Variants in ARSF observed in about 807,000 individuals in gnomAD.
ARSF encodes the protein arylsulfatase F.
ARSF carries 33 observed loss-of-function variants against 35.4 expected under a neutral mutation model. The observed-to-expected ratio is 0.93, with a 90% CI of 0.71 to 1.25. ARSF has a LOEUF of 1.25. Ranked by LOEUF, ARSF falls within the 50% of genes most tolerant of loss-of-function variation. The pLI is 0.00. For missense variants in ARSF, 501 were observed against 480.2 expected, an observed-to-expected ratio of 1.04 and a Z score of -0.40; for synonymous variants, 222 against 193.1, an observed-to-expected ratio of 1.15 and a Z score of -1.24.
At chrX:3,070,809 G>A (rs1290840132) in intron 2 of ARSF, among the ~76,000 whole-genome samples, 1 of 110,975 alleles carries the variant, frequency 9.0e-6, no homozygotes, top group Non-Finnish European at 1.9e-5. Flanking sequence ...TCCCACTTAT[G>A]AGTGAGAACA....
chrX:3,069,116 C>CA (rs1280059337), intron 2 of ARSF, among the ~76,000 whole-genome samples: 1 of 111,445 alleles, frequency 9.0e-6, no homozygotes, highest in Non-Finnish European at 1.9e-5. Context: ...AGAAGAGCGT[C>CA]ATGTGTTTCC....
At chrX:3,045,453 G>A (rs901340093) in intron 1 of ARSF, among the ~76,000 whole-genome samples, 2 of 111,174 alleles carry the variant, frequency 1.8e-5, no homozygotes, top group Non-Finnish European at 3.8e-5. Context: ...TACATAGGAC[G>A]CAAAAGATTG....
rs11798999 is a variant in ARSF at position 3,101,073 on chromosome X, G to T, written c.968-14G>T. On this transcript the variant is annotated splice_polypyrimidine_tract_variant and intron_variant, in intron 7 of 10. Coordinates refer to ENST00000381127, the MANE Select transcript of ARSF (RefSeq NM_001201539.2). ...ATGTCATTATTTTTACTTGTCTCTT[G>T]TATATTATTTTAGGCAAGATTCTTG... is the stretch of plus-strand genomic sequence containing the variant. The T allele has an allele frequency of 8.3e-7, 1 of 1,202,799 alleles. No individual in the cohort carries two copies. The highest frequency in any genetic ancestry group is 1.8e-5 in the African/African-American group (1 of 56,741).
intron 1 of ARSF, among the ~76,000 whole-genome samples, chrX:3,055,342 C>CAAAAAAAAAAA (rs770014108): frequency 3.1e-4 from 10 of 32,442 alleles, no homozygotes; most frequent in African/African-American, 1.0e-3. Flanking sequence ...AACTCCATTT[C>CAAAAAAAAAAA]AAAAAAAAAA....
intron 1 of ARSF, among the ~76,000 whole-genome samples, chrX:3,047,773 C>T (rs142577840): frequency 0.02 from 2,262 of 110,510 alleles, 28 homozygotes; most frequent in Middle Eastern, 0.06. Flanking sequence ...TAATGATGAC[C>T]GGGATATTCA....
chrX:3,088,299 C>T (rs1203283182), intron 6 of ARSF, among the ~76,000 whole-genome samples: 1 of 111,602 alleles, frequency 9.0e-6, no homozygotes, highest in Non-Finnish European at 1.9e-5. Context: ...GCTTCACGAG[C>T]AGTGAGAACA....
At position 3,081,019 on chromosome X, in the gene ARSF, A is replaced by C; in HGVS notation, c.406+6A>C. ...ATACAGCACGGGGCTTATAGGTAAG[A>C]CACAAGAATTGGTGTTAGTCATTGA... On this transcript the variant is annotated splice_donor_region_variant and intron_variant, in intron 5 of 10. Transcript: ENST00000381127. The C allele has an allele frequency of 8.3e-7, 1 of 1,208,820 alleles. No individual in the cohort carries two copies. The highest frequency in any genetic ancestry group is 1.7e-5 in the African/African-American group (1 of 57,737).
At position 3,041,584 on chromosome X, in the gene ARSF, C is replaced by G. The variant is rs566932857; in HGVS notation, c.-108C>G. The G allele has an allele frequency of 1.8e-5, 2 of 112,130 alleles. No individual in the cohort carries two copies. Among genetic ancestry groups the G allele is most frequent in the East Asian group, 5.6e-4 (2 of 3,570 alleles). 9.2% of individuals were successfully genotyped at this position (112,130 alleles called of 1,213,427 possible). On this transcript the variant is annotated 5_prime_UTR_variant, in exon 1 of 11. Transcript: ENST00000381127. ...GGGATTACAGGCGTGAACCACCACTCCTGGCCCTTCTGTTACTTTTCCACT... is the reference window on the plus strand; with the variant it reads ...GGGATTACAGGCGTGAACCACCACTGCTGGCCCTTCTGTTACTTTTCCACT...
At chrX:3,063,334 T>G (rs1391487101) in intron 1 of ARSF, among the ~76,000 whole-genome samples, 2 of 111,092 alleles carry the variant, frequency 1.8e-5, no homozygotes, top group Non-Finnish European at 1.9e-5. Flanking sequence ...TATGACAAAC[T>G]CACAGCCAAT....
chrX:3,091,448 A>G (rs976432874), intron 7 of ARSF, among the ~76,000 whole-genome samples: 4 of 112,576 alleles, frequency 3.6e-5, no homozygotes, highest in African/African-American at 1.3e-4. Flanking sequence ...TAATTTTCCA[A>G]CATTAATGAA....
At chrX:3,092,870 C>T (rs937449051) in intron 7 of ARSF, among the ~76,000 whole-genome samples, 1 of 112,282 alleles carries the variant, frequency 8.9e-6, no homozygotes, top group Non-Finnish European at 1.9e-5. Flanking sequence ...CACCTTCCTG[C>T]CTTTTATAAT....
intron 1 of ARSF, among the ~76,000 whole-genome samples, chrX:3,053,328 C>CTT (rs762769881): frequency 2.9e-4 from 27 of 92,993 alleles, no homozygotes; most frequent in Middle Eastern, 0.011. Context: ...GTATCCACAA[C>CTT]TTTTTTTTTT....
At chrX:3,094,445 G>C (rs781083556) in intron 7 of ARSF, among the ~76,000 whole-genome samples, 15 of 111,841 alleles carry the variant, frequency 1.3e-4, no homozygotes, top group Non-Finnish European at 2.4e-4. Context: ...TGCTTCCTTC[G>C]AGCCCAGCGA....
chrX:3,052,649 C>T (rs2090001193), intron 1 of ARSF, among the ~76,000 whole-genome samples: 1 of 102,659 alleles, frequency 9.7e-6, no homozygotes, highest in African/African-American at 3.6e-5. Flanking sequence ...GCTGTGATCA[C>T]ACCACTGCAC....
intron 5 of ARSF, among the ~76,000 whole-genome samples, chrX:3,082,272 C>T (rs1254370848): frequency 9.0e-6 from 1 of 111,551 alleles, no homozygotes; most frequent in East Asian, 2.8e-4. Flanking sequence ...AGCTATTCAT[C>T]CATCCATGCT....
chrX:3,094,946 T>C (rs1354394436), intron 7 of ARSF, among the ~76,000 whole-genome samples: 2 of 109,315 alleles, frequency 1.8e-5, no homozygotes, highest in Non-Finnish European at 3.8e-5. Context: ...ATATATTATG[T>C]ATTTCTGTAG....
At chrX:3,088,853 G>A (rs1013266165) in intron 6 of ARSF, among the ~76,000 whole-genome samples, 1 of 111,671 alleles carries the variant, frequency 9.0e-6, no homozygotes, top group Middle Eastern at 4.6e-3. Flanking sequence ...GAGCCACTGT[G>A]CCTGTCCTCA....
intron 1 of ARSF, among the ~76,000 whole-genome samples, chrX:3,063,072 C>T (rs2090048825): frequency 9.0e-6 from 1 of 111,662 alleles, no homozygotes; most frequent in Non-Finnish European, 1.9e-5. Flanking sequence ...ACTGGCAAAC[C>T]AAATCCAGCA....
intron 1 of ARSF, among the ~76,000 whole-genome samples, chrX:3,047,819 C>A (rs145987733): frequency 9.1e-6 from 1 of 110,437 alleles, no homozygotes; most frequent in Admixed American, 9.8e-5. Flanking sequence ...TGTATTAGTC[C>A]GTTTTCATGC....
Sources: allele counts gnomAD v4.1 joint callset (sites outside exome capture counted in the v4.1 genomes callset), GRCh38; gene constraint gnomAD v4.1.1; transcripts MANE v1.5; gene names NCBI Gene and HGNC (gene_info 2026-07-23, HGNC 2026-07-21).